Variants in IQGAP2 observed in about 807,000 individuals in gnomAD.
IQGAP2 encodes IQ motif containing GTPase activating protein 2, also known as ras GTPase-activating-like protein IQGAP2.
A neutral mutation model predicts 201.3 loss-of-function variants in IQGAP2; 173 were observed. That is an observed-to-expected ratio of 0.86 (90% CI 0.76 to 0.98). IQGAP2 has a LOEUF of 0.98. Among genes scored for constraint, IQGAP2 ranks in the 50% least tolerant of loss-of-function variants. IQGAP2 has a pLI of 0.00. For missense variants in IQGAP2, 1,687 were observed against 1,864.8 expected (o/e 0.90, Z 1.76); for synonymous variants, 675 against 673.9 (o/e 1.00, Z -0.03).
chr5:76,532,355 GA>G (rs1218288163), intron 2 of IQGAP2, among the ~76,000 whole-genome samples: 6 of 151,048 alleles, frequency 4.0e-5, no homozygotes, highest in South Asian at 2.1e-4. Context: ...AGATGAAAAA[GA>G]AAAAAAACCC....
chr5:76,689,604 G>A (rs1015739002), intron 30 of IQGAP2, among the ~76,000 whole-genome samples: 1 of 152,104 alleles, frequency 6.6e-6, no homozygotes, highest in African/African-American at 2.4e-5. Context: ...ATACTTAGCT[G>A]CTTGAGTGCT....
intron 10 of IQGAP2, 94 bp downstream of exon 10, chr5:76,597,696 G>A (rs1376069275): frequency 7.6e-7 from 1 of 1,312,102 alleles, no homozygotes; most frequent in Admixed American, 1.9e-5. Flanking sequence ...TAGGGATCGG[G>A]GATCTCTAAT....
At chr5:76,644,244 CCA>C (rs1163562628) in intron 17 of IQGAP2, among the ~76,000 whole-genome samples, 1 of 150,562 alleles carries the variant, frequency 6.6e-6, no homozygotes, top group East Asian at 1.9e-4. Context: ...ATAAATTTTC[CCA>C]CAAGTTCCCA....
chr5:76,689,594 A>G (rs1004354952), intron 30 of IQGAP2, among the ~76,000 whole-genome samples: 2 of 152,184 alleles, frequency 1.3e-5, no homozygotes, highest in African/African-American at 2.4e-5. Context: ...GTTTTTAATC[A>G]TACTTAGCTG....
At chr5:76,668,326 A>G (rs954445828) in intron 22 of IQGAP2, among the ~76,000 whole-genome samples, 6 of 152,014 alleles carry the variant, frequency 3.9e-5, no homozygotes, top group Non-Finnish European at 7.4e-5. Flanking sequence ...AGTGTGTATC[A>G]TTTAAATCCT....
chr5:76,701,031 G>C, intron 33 of IQGAP2, 45 bp from the exon 34 acceptor site: 1 of 1,605,114 alleles, frequency 6.2e-7, no homozygotes, highest in Non-Finnish European at 8.5e-7. Context: ...AGAAGCCTCT[G>C]CATTTGCCAT....
intron 1 of IQGAP2, among the ~76,000 whole-genome samples, chr5:76,404,006 T>C (rs1750654765): frequency 6.6e-6 from 1 of 152,166 alleles, no homozygotes; most frequent in African/African-American, 2.4e-5. Context: ...TTGTTTGCTG[T>C]GGCTACAGGT....
chr5:76,650,550 A>G (rs931594880), intron 17 of IQGAP2, among the ~76,000 whole-genome samples: 12 of 152,234 alleles, frequency 7.9e-5, no homozygotes, highest in African/African-American at 1.4e-4. Context: ...CATATTAGCA[A>G]TATATCTTAG....
chr5:76,680,941 T>C lies in IQGAP2; in HGVS notation c.3661-2174T>C, dbSNP rs939544415. ...CCAACATGGAGAAACCCTATCTTTA[T>C]TTAAAAATACAAAAATTAACCAGGT... On this transcript the variant is annotated intron_variant, in intron 28 of 35. Transcript: ENST00000274364. Among the ~76,000 whole-genome samples, 5 of 151,234 alleles carry C rather than the reference T, an allele frequency of 3.3e-5. No homozygotes were observed. The South Asian group carries it at 1.0e-3, about 32-fold the overall frequency.
chr5:76,460,464 A>G (rs1754378715), intron 1 of IQGAP2, among the ~76,000 whole-genome samples: 1 of 152,084 alleles, frequency 6.6e-6, no homozygotes, highest in South Asian at 2.1e-4. Flanking sequence ...AAGTTTTGAG[A>G]GGGGAAGTAA....
At chr5:76,492,015 C>T (rs1441073575) in intron 2 of IQGAP2, among the ~76,000 whole-genome samples, 1 of 152,144 alleles carries the variant, frequency 6.6e-6, no homozygotes, top group African/African-American at 2.4e-5. Flanking sequence ...TGCCATCTCC[C>T]ATGTCATAGA....
At chr5:76,502,762 G>T (rs143276724) in intron 2 of IQGAP2, among the ~76,000 whole-genome samples, 4 of 152,242 alleles carry the variant, frequency 2.6e-5, no homozygotes, top group African/African-American at 9.6e-5. Flanking sequence ...TTAATACAGG[G>T]TCTTACTCTG....
chr5:76,523,984 C>T (rs530397684), intron 2 of IQGAP2, among the ~76,000 whole-genome samples: 2 of 152,174 alleles, frequency 1.3e-5, no homozygotes, highest in African/African-American at 4.8e-5. Context: ...TTTACCAATA[C>T]AGGTAAGAAA....
At chr5:76,652,626 T>A in intron 17 of IQGAP2, 124 bp from the exon 18 acceptor site, 1 of 748,216 alleles carries the variant, frequency 1.3e-6, no homozygotes, top group Non-Finnish European at 2.4e-6. Context: ...AGATGAGATC[T>A]GAAGGGAGGG....
intron 11 of IQGAP2, among the ~76,000 whole-genome samples, chr5:76,603,786 G>A (rs953285084): frequency 2.6e-5 from 4 of 152,068 alleles, no homozygotes; most frequent in Non-Finnish European, 5.9e-5. Flanking sequence ...AGCTTCCCAG[G>A]GCTCTTAGAT....
intron 12 of IQGAP2, among the ~76,000 whole-genome samples, chr5:76,608,301 A>C (rs1467054656): frequency 6.6e-6 from 1 of 152,244 alleles, no homozygotes; most frequent in Non-Finnish European, 1.5e-5. Flanking sequence ...TAACCAGAAA[A>C]GGTATTTCAG....
intron 2 of IQGAP2, among the ~76,000 whole-genome samples, chr5:76,529,480 T>C (rs1383139350): frequency 6.6e-6 from 1 of 151,862 alleles, no homozygotes; most frequent in Non-Finnish European, 1.5e-5. Context: ...ATACAAAAAT[T>C]AGCCTGGTGT....
chr5:76,597,523 C>G lies in IQGAP2; in HGVS notation c.992C>G (p.Ala331Gly). ...CTGCTTGCACTGAAGAAACCAGAGG[C>G]CCAGCTGCCTGCTGTTTATCCCTTT... ...NTLLALKKPE[A>G]QLPAVYPFAA... Residue 331 changes from alanine (A) to glycine (G), a missense_variant, in exon 10 of 36, where the codon GCC becomes GGC. By Grantham distance (60) the Ala-to-Gly change is moderately conservative. Coordinates refer to ENST00000274364, the MANE Select transcript of IQGAP2 (RefSeq NM_006633.5). 1 of 1,613,956 alleles carries G rather than the reference C, an allele frequency of 6.2e-7. No individual in the cohort carries two copies. Among genetic ancestry groups the G allele is most frequent in the Non-Finnish European group, 8.5e-7 (1 of 1,179,984 alleles).
chr5:76,487,371 A>G (rs192958252), intron 2 of IQGAP2, among the ~76,000 whole-genome samples: 84 of 152,328 alleles, frequency 5.5e-4, no homozygotes, highest in Non-Finnish European at 9.3e-4. Flanking sequence ...TGCTGGGATT[A>G]CAGGCGTGAG....
Sources: gnomAD v4.1 joint callset for allele counts (sites outside exome capture counted in the v4.1 genomes callset) on GRCh38, gnomAD v4.1.1 for gene constraint, MANE v1.5 for transcripts, NCBI Gene and HGNC (gene_info 2026-07-23, HGNC 2026-07-21) for gene names.